Variants in GABRG3 observed in about 807,000 individuals in gnomAD.
GABRG3 encodes gamma-aminobutyric acid receptor subunit gamma-3.
A neutral mutation model predicts 48.8 loss-of-function variants in GABRG3; 25 were observed. That is an observed-to-expected ratio of 0.51 (90% CI 0.37 to 0.72). The LOEUF (loss-of-function observed/expected upper bound fraction) is 0.72, where lower values mean the gene tolerates loss of function less well. Ranked by LOEUF, GABRG3 falls within the 30% of genes least tolerant of loss-of-function variation. The pLI is 0.00. For synonymous variants in GABRG3, 227 were observed against 217.6 expected (o/e 1.04, Z -0.38); for missense variants, 394 against 577.9 (o/e 0.68, Z 3.26).
chr15:27,026,651 C>A, intron 2 of GABRG3, 103 bp from the exon 3 acceptor site: 1 of 633,424 alleles, frequency 1.6e-6, no homozygotes, highest in Non-Finnish European at 2.6e-6. Flanking sequence ...TGTGTTTCCA[C>A]CATGTCCTTG....
intron 3 of GABRG3, among the ~76,000 whole-genome samples, chr15:27,164,133 G>A (rs1045891925): frequency 6.6e-6 from 1 of 152,118 alleles, no homozygotes; most frequent in African/African-American, 2.4e-5. Context: ...GTAAAGAAAA[G>A]CTGAAGAATA....
intron 6 of GABRG3, among the ~76,000 whole-genome samples, chr15:27,490,922 G>A (rs144249190): frequency 2.8e-3 from 334 of 117,606 alleles, no homozygotes; most frequent in Non-Finnish European, 4.2e-3. Flanking sequence ...CACTGCTCTT[G>A]CCGCATTTCT....
Position 27,388,590 on chromosome 15 carries a change from A to C in GABRG3, c.574+59702A>C, listed in dbSNP as rs145114327. Among the ~76,000 whole-genome samples the C allele has an allele frequency of 7.0e-3, 1,071 of 152,276 alleles. 13 individuals carry two copies. The highest frequency in any genetic ancestry group is 0.024 in the African/African-American group (1,007 of 41,542). ...ACAGAATCGGTCCTTGGCAATGTTT[A>C]GGAAAAGTCACTCAAAGAGCTGTGG... On this transcript the variant is annotated intron_variant, in intron 5 of 9. Transcript: ENST00000615808.
At chr15:27,310,963 T>C (rs574980070) in intron 3 of GABRG3, among the ~76,000 whole-genome samples, 1 of 152,210 alleles carries the variant, frequency 6.6e-6, no homozygotes, top group African/African-American at 2.4e-5. Flanking sequence ...CAACACCCAA[T>C]TGTAGTAGAT....
At chr15:27,495,908 A>G (rs1890475500) in intron 6 of GABRG3, among the ~76,000 whole-genome samples, 1 of 152,188 alleles carries the variant, frequency 6.6e-6, no homozygotes, top group African/African-American at 2.4e-5. Context: ...ATGTTTTACT[A>G]TTAGGCTCTG....
chr15:27,053,784 G>T (rs541733919), intron 3 of GABRG3, among the ~76,000 whole-genome samples: 1 of 152,182 alleles, frequency 6.6e-6, no homozygotes, highest in Non-Finnish European at 1.5e-5. Context: ...GAAATACCGC[G>T]CAGCCATTAA....
chr15:27,064,847 G>A (rs12050742), intron 3 of GABRG3, among the ~76,000 whole-genome samples: 47,250 of 152,060 alleles, frequency 0.31, 7,551 homozygotes, highest in East Asian at 0.45. Context: ...GTTATTGATG[G>A]TGCACTGAAA....
intron 3 of GABRG3, among the ~76,000 whole-genome samples, chr15:27,142,348 C>G (rs981278162): frequency 1.3e-5 from 2 of 152,132 alleles, no homozygotes; most frequent in Non-Finnish European, 2.9e-5. Flanking sequence ...GTAAGCCTCA[C>G]AATCATGGCA....
chr15:27,127,207 G>A (rs910406310), intron 3 of GABRG3, among the ~76,000 whole-genome samples: 1 of 152,102 alleles, frequency 6.6e-6, no homozygotes, highest in Admixed American at 6.5e-5. Context: ...TGCAACCCAA[G>A]GGCTCACTGA....
At chr15:27,507,784 TTGTGTC>T (rs1482411637) in intron 6 of GABRG3, among the ~76,000 whole-genome samples, 1 of 152,222 alleles carries the variant, frequency 6.6e-6, no homozygotes, top group Non-Finnish European at 1.5e-5. Context: ...ATTTATTTCT[TTGTGTC>T]TGTCTCTTCT....
chr15:27,015,974 C>T (rs1280436774), intron 2 of GABRG3, among the ~76,000 whole-genome samples: 1 of 152,140 alleles, frequency 6.6e-6, no homozygotes, highest in Admixed American at 6.5e-5. Context: ...TCTGCCCACA[C>T]TTGATGTTGT....
intron 5 of GABRG3, chr15:27,366,324 A>G (rs1201224545): frequency 6.6e-6 from 1 of 152,218 alleles, no homozygotes; most frequent in Non-Finnish European, 1.5e-5. Context: ...CATATGGAGA[A>G]GATCCTTTGG....
intron 3 of GABRG3, among the ~76,000 whole-genome samples, chr15:27,110,957 T>A (rs34935241): frequency 0.51 from 77,515 of 151,976 alleles, 20,473 homozygotes; most frequent in African/African-American, 0.66. Flanking sequence ...AGTTCTTACT[T>A]TTATTACTTC....
chr15:27,096,838 C>CTTT (rs34613626), intron 3 of GABRG3, among the ~76,000 whole-genome samples: 3,629 of 126,032 alleles, frequency 0.029, 93 homozygotes, highest in East Asian at 0.087. Context: ...TTCTTTCTAT[C>CTTT]TTTTTTTTTT....
chr15:27,046,704 G>C (rs1052013651), intron 3 of GABRG3, among the ~76,000 whole-genome samples: 2 of 152,158 alleles, frequency 1.3e-5, no homozygotes, highest in African/African-American at 4.8e-5. Flanking sequence ...CATCCCTTTT[G>C]GATATGTGAG....
At chr15:27,403,917 A>AC (rs998906334) in intron 5 of GABRG3, among the ~76,000 whole-genome samples, 8 of 129,856 alleles carry the variant, frequency 6.2e-5, no homozygotes, top group African/African-American at 2.2e-4. Context: ...AAAAAAACAA[A>AC]AAAAAAAAAA....
chr15:27,330,904 C>T (rs111337967), intron 5 of GABRG3, among the ~76,000 whole-genome samples: 4 of 152,124 alleles, frequency 2.6e-5, no homozygotes, highest in African/African-American at 9.6e-5. Context: ...GGTGGACAGT[C>T]TTATATATAA....
At chr15:27,336,359 G>C (rs767722694) in intron 5 of GABRG3, among the ~76,000 whole-genome samples, 6 of 152,062 alleles carry the variant, frequency 3.9e-5, no homozygotes, top group Non-Finnish European at 8.8e-5. Context: ...AGAAGAAATT[G>C]GTGAGAGACA....
At chr15:27,479,658 A>C (rs961356780) in intron 5 of GABRG3, among the ~76,000 whole-genome samples, 2 of 152,234 alleles carry the variant, frequency 1.3e-5, no homozygotes, top group Non-Finnish European at 2.9e-5. Context: ...ACTCATCAAG[A>C]TGGTGCATAC....
Sources: allele counts gnomAD v4.1 joint callset (sites outside exome capture counted in the v4.1 genomes callset), GRCh38; gene constraint gnomAD v4.1.1; transcripts MANE v1.5; gene names NCBI Gene and HGNC (gene_info 2026-07-23, HGNC 2026-07-21).